The following MYO3A variants were observed in gnomAD, a reference collection of about 807,000 sequenced individuals.
MYO3A encodes the protein myosin-IIIa.
In MYO3A, 180 loss-of-function variants were observed where a neutral mutation model predicts 192.7. The observed-to-expected ratio is 0.93, with a 90% CI of 0.83 to 1.06. The LOEUF is 1.06. Ranked by LOEUF, MYO3A falls within the 50% of genes least tolerant of loss-of-function variation. The pLI is 0.00. For missense variants in MYO3A, 1,896 were observed against 1,905.0 expected (o/e 1.00, Z 0.09); for synonymous variants, 628 against 645.3 (o/e 0.97, Z 0.41).
intron 2 of MYO3A, among the ~76,000 whole-genome samples, chr10:25,951,438 G>A (rs1837202312): frequency 6.6e-6 from 1 of 152,136 alleles, no homozygotes; most frequent in East Asian, 1.9e-4. Context: ...TGAAAGATTA[G>A]TAGGTTTTGC....
rs11273792 is a variant in MYO3A at position 26,147,231 on chromosome 10, CAGATGATAAGGAGCTACCTTA to C, written c.2506-166_2506-146del. ...CAACCCAAATAAAATCAGTGAGACA[CAGATGATAAGGAGCTACCTTA>C]AGATGATAAGGAGCTACCTTAAGAT... is the stretch of plus-strand genomic sequence containing the variant. On this transcript the variant is annotated intron_variant, in intron 22 of 34. Transcript: ENST00000642920. Among the ~76,000 whole-genome samples, 52,286 of 151,312 alleles carry C rather than the reference CAGATGATAAGGAGCTACCTTA, an allele frequency of 0.35. 9,151 individuals carry two copies. The highest frequency in any genetic ancestry group is 0.44 in the Middle Eastern group (129 of 294).
chr10:25,997,598 T>G (rs189343898), intron 6 of MYO3A, among the ~76,000 whole-genome samples: 74 of 152,288 alleles, frequency 4.9e-4, no homozygotes, highest in African/African-American at 1.7e-3. Flanking sequence ...TGGACATATA[T>G]CCAAATCCAG....
intron 23 of MYO3A, among the ~76,000 whole-genome samples, chr10:26,148,461 G>C (rs984954058): frequency 1.3e-5 from 2 of 152,118 alleles, no homozygotes; most frequent in Admixed American, 6.6e-5. Flanking sequence ...TCTTATTCAG[G>C]CTTGTTTAGG....
At chr10:26,169,796 C>G (rs1351849337) in intron 28 of MYO3A, among the ~76,000 whole-genome samples, 1 of 152,168 alleles carries the variant, frequency 6.6e-6, no homozygotes, top group Non-Finnish European at 1.5e-5. Context: ...AATCCTTTAT[C>G]CACAATTTCA....
At chr10:26,174,587 T>A in intron 30 of MYO3A, 30 bp downstream of exon 30, 1 of 1,554,228 alleles carries the variant, frequency 6.4e-7, no homozygotes, top group Non-Finnish European at 8.9e-7. Context: ...TATTTACTAA[T>A]AAAAGTCCCT....
At chr10:26,116,123 G>T (rs1320434073) in intron 17 of MYO3A, among the ~76,000 whole-genome samples, 1 of 152,140 alleles carries the variant, frequency 6.6e-6, no homozygotes, top group Non-Finnish European at 1.5e-5. Context: ...TGCTAGGGCT[G>T]CCATAACAAA....
At chr10:26,179,704 C>T (rs1345505112) in intron 31 of MYO3A, among the ~76,000 whole-genome samples, 3 of 152,134 alleles carry the variant, frequency 2.0e-5, no homozygotes, top group Non-Finnish European at 2.9e-5. Context: ...AGATAAATCT[C>T]ATTGTATGTG....
intron 4 of MYO3A, among the ~76,000 whole-genome samples, chr10:25,994,766 T>A (rs1840309951): frequency 6.6e-6 from 1 of 152,222 alleles, no homozygotes; most frequent in Non-Finnish European, 1.5e-5. Context: ...CCTTCACTTA[T>A]GAAGCTTAAT....
At chr10:26,093,086 G>A (rs758665178) in intron 15 of MYO3A, among the ~76,000 whole-genome samples, 5 of 152,158 alleles carry the variant, frequency 3.3e-5, no homozygotes, top group Non-Finnish European at 7.3e-5. Flanking sequence ...TACAATTAAT[G>A]TACATTGTTA....
chr10:26,090,963 C>T (rs1223269855), intron 15 of MYO3A, among the ~76,000 whole-genome samples: 1 of 152,174 alleles, frequency 6.6e-6, no homozygotes, highest in Admixed American at 6.5e-5. Context: ...GAGCTATGGC[C>T]CTAATGGGAC....
At chr10:26,076,926 T>A (rs1265519762) in intron 14 of MYO3A, among the ~76,000 whole-genome samples, 1 of 152,120 alleles carries the variant, frequency 6.6e-6, no homozygotes, top group Non-Finnish European at 1.5e-5. Context: ...AATCAAGTAG[T>A]GTGATGCCTC....
chr10:25,949,738 C>T (rs6482524), intron 2 of MYO3A, among the ~76,000 whole-genome samples: 101,974 of 151,928 alleles, frequency 0.67, 34,617 homozygotes, highest in African/African-American at 0.77. Context: ...TGGATTTTCA[C>T]GTTCTTTTCA....
intron 18 of MYO3A, among the ~76,000 whole-genome samples, chr10:26,121,317 T>C (rs1838845994): frequency 6.6e-6 from 1 of 152,080 alleles, no homozygotes; most frequent in South Asian, 2.1e-4. Flanking sequence ...TTATTTCCAG[T>C]AATTTAAGGT....
intron 4 of MYO3A, 92 bp from the exon 5 acceptor site, chr10:25,996,398 A>T: frequency 2.0e-6 from 2 of 984,040 alleles, no homozygotes; most frequent in East Asian, 2.5e-5. Flanking sequence ...AGAACATTGG[A>T]ACACTTTTAA....
intron 4 of MYO3A, among the ~76,000 whole-genome samples, chr10:25,960,921 A>T (rs2130643940): frequency 1.3e-5 from 2 of 152,330 alleles, no homozygotes; most frequent in Admixed American, 1.3e-4. Context: ...GCAAAATCAC[A>T]TATAAAAGCA....
At chr10:26,173,627 A>G (rs1842163000) in intron 29 of MYO3A, 36 bp from the exon 30 acceptor site, 2 of 1,577,460 alleles carry the variant, frequency 1.3e-6, no homozygotes, top group African/African-American at 2.7e-5. Flanking sequence ...GCTCCAGTTT[A>G]GTACTGTATA....
At chr10:26,210,566 C>T (rs752775137) in intron 34 of MYO3A, among the ~76,000 whole-genome samples, 34 of 152,232 alleles carry the variant, frequency 2.2e-4, no homozygotes, top group Non-Finnish European at 3.2e-4. Flanking sequence ...AATCTCTTAA[C>T]AGGCCTTCCT....
chr10:26,087,807 G>A (rs901330707), intron 14 of MYO3A, among the ~76,000 whole-genome samples: 1 of 152,166 alleles, frequency 6.6e-6, no homozygotes, highest in African/African-American at 2.4e-5. Flanking sequence ...CTTAGTTTCA[G>A]GGTTAGCAGC....
At chr10:26,073,531 T>G (rs1242784785) in intron 14 of MYO3A, among the ~76,000 whole-genome samples, 1 of 151,264 alleles carries the variant, frequency 6.6e-6, no homozygotes, top group East Asian at 2.0e-4. Flanking sequence ...AGGCAGAGCT[T>G]GCAGTGAGCC....
Sources: gnomAD v4.1 joint callset for allele counts (sites outside exome capture counted in the v4.1 genomes callset) on GRCh38, gnomAD v4.1.1 for gene constraint, MANE v1.5 for transcripts, NCBI Gene and HGNC (gene_info 2026-07-23, HGNC 2026-07-21) for gene names.